Variants in SCAPER observed in about 807,000 individuals in gnomAD.
SCAPER encodes S phase cyclin A-associated protein in the endoplasmic reticulum.
Under a neutral mutation model 182.2 loss-of-function variants are expected in SCAPER, and 98 were observed. The ratio of observed to expected loss-of-function variants is 0.54; its 90% confidence interval spans 0.46 to 0.64. The LOEUF is 0.64. SCAPER is among the 30% of genes least tolerant of loss of function. SCAPER has a pLI of 0.00. For synonymous variants in SCAPER, 605 were observed against 564.6 expected (o/e 1.07, Z -1.01); for missense variants, 1,432 against 1,690.0 (o/e 0.85, Z 2.68).
intron 5 of SCAPER, among the ~76,000 whole-genome samples, chr15:76,836,952 A>G (rs932362169): frequency 6.6e-6 from 1 of 152,170 alleles, no homozygotes; most frequent in African/African-American, 2.4e-5. Flanking sequence ...CCTAGAAGAT[A>G]CCATTCTGGA....
intron 24 of SCAPER, among the ~76,000 whole-genome samples, chr15:76,501,075 A>G (rs2041070913): frequency 6.6e-6 from 1 of 152,078 alleles, no homozygotes; most frequent in Non-Finnish European, 1.5e-5. Flanking sequence ...GCAGAATAAC[A>G]TTAGTCTACC....
At chr15:76,716,951 T>C (rs2059917157) in intron 17 of SCAPER, among the ~76,000 whole-genome samples, 3 of 152,114 alleles carry the variant, frequency 2.0e-5, no homozygotes, top group East Asian at 1.9e-4. Context: ...AGATAAACTT[T>C]AGAAGGTTCT....
intron 26 of SCAPER, among the ~76,000 whole-genome samples, chr15:76,426,433 G>C (rs2046435596): frequency 6.6e-6 from 1 of 152,162 alleles, no homozygotes; most frequent in South Asian, 2.1e-4. Flanking sequence ...ATCTCCTGGT[G>C]TGCCATTTGC....
intron 5 of SCAPER, among the ~76,000 whole-genome samples, chr15:76,829,959 C>A (rs745678778): frequency 2.0e-5 from 3 of 152,070 alleles, no homozygotes; most frequent in African/African-American, 4.8e-5. Flanking sequence ...ATATATATTT[C>A]CAAAGAGAAG....
At chr15:76,861,432 C>T (rs1469032536) in intron 3 of SCAPER, among the ~76,000 whole-genome samples, 1 of 152,168 alleles carries the variant, frequency 6.6e-6, no homozygotes, top group Non-Finnish European at 1.5e-5. Flanking sequence ...CTACCTGAAT[C>T]TAGTCATGAA....
intron 17 of SCAPER, among the ~76,000 whole-genome samples, chr15:76,718,832 G>A (rs1405256146): frequency 1.3e-5 from 2 of 151,962 alleles, no homozygotes; most frequent in Non-Finnish European, 2.9e-5. Flanking sequence ...TCAGAGAAAT[G>A]AACATTAAAA....
intron 23 of SCAPER, among the ~76,000 whole-genome samples, chr15:76,556,526 C>T (rs1412996460): frequency 6.6e-6 from 1 of 152,148 alleles, no homozygotes; most frequent in Non-Finnish European, 1.5e-5. Context: ...TAAATGCAAT[C>T]TGAAATGGCA....
intron 20 of SCAPER, among the ~76,000 whole-genome samples, chr15:76,683,351 TAAAGAAA>T (rs1165005578): frequency 6.6e-6 from 1 of 150,860 alleles, no homozygotes; most frequent in African/African-American, 2.4e-5. Flanking sequence ...TCAAACAAAA[TAAAGAAA>T]AAAGAATAAA....
At chr15:76,770,787 C>T (rs2063421725) in intron 10 of SCAPER, among the ~76,000 whole-genome samples, 1 of 152,100 alleles carries the variant, frequency 6.6e-6, no homozygotes, top group South Asian at 2.1e-4. Context: ...ATACAATAAA[C>T]TCACTACTTA....
chr15:76,438,279 C>A (rs375695952), intron 25 of SCAPER, among the ~76,000 whole-genome samples: 721 of 110,552 alleles, frequency 6.5e-3, no homozygotes, highest in Middle Eastern at 0.014. Context: ...GAGACTGTCT[C>A]AAAAAAAAAA....
At position 76,655,521 on chromosome 15, in the gene SCAPER, C is replaced by T. The variant is rs556807267; in HGVS notation, c.2645+10132G>A. 1.2e-4 allele frequency among the ~76,000 whole-genome samples: 19 copies of T among 152,202 alleles called. No individual in the cohort carries two copies. In the East Asian group the frequency reaches 2.1e-3, roughly 17 times the overall value. On this transcript the variant is annotated intron_variant, in intron 21 of 31. Transcript: ENST00000563290. Reference sequence around the variant, plus strand: ...CCCAAACTCTAGAGAGGATAACATTCGAATTCAAGAAACTCAGAGAACCCC... The same window carrying T: ...CCCAAACTCTAGAGAGGATAACATTTGAATTCAAGAAACTCAGAGAACCCC...
intron 27 of SCAPER, among the ~76,000 whole-genome samples, chr15:76,382,970 A>G (rs1728123702): frequency 7.7e-6 from 1 of 130,594 alleles, no homozygotes; most frequent in African/African-American, 2.9e-5. Context: ...TTAATTTGGC[A>G]TGATCTACAC....
chr15:76,618,559 A>G (rs2051712879), intron 22 of SCAPER, among the ~76,000 whole-genome samples: 1 of 152,144 alleles, frequency 6.6e-6, no homozygotes. Flanking sequence ...TTCCATTTAT[A>G]AAAGTCTTTT....
intron 27 of SCAPER, among the ~76,000 whole-genome samples, chr15:76,383,124 A>G (rs540596659): frequency 1.4e-5 from 2 of 141,998 alleles, no homozygotes; most frequent in East Asian, 4.1e-4. Context: ...ACACACCTAC[A>G]CACACATATA....
chr15:76,829,183 C>T (rs964180344), intron 5 of SCAPER, among the ~76,000 whole-genome samples: 3 of 152,076 alleles, frequency 2.0e-5, no homozygotes, highest in African/African-American at 7.2e-5. Context: ...GGCCATTATT[C>T]TAAGTGAAGT....
At chr15:76,892,006 G>C (rs1365307159) in intron 1 of SCAPER, among the ~76,000 whole-genome samples, 2 of 152,068 alleles carry the variant, frequency 1.3e-5, no homozygotes, top group African/African-American at 4.8e-5. Flanking sequence ...CAGAACAGAG[G>C]CCTCAGAAAT....
chr15:76,360,816 T>C (rs977750500), intron 29 of SCAPER, among the ~76,000 whole-genome samples: 9 of 152,208 alleles, frequency 5.9e-5, no homozygotes, highest in Non-Finnish European at 1.5e-5. Flanking sequence ...GGGTTGGTGA[T>C]GGGACTAGAT....
At chr15:76,411,431 C>T (rs1421854654) in intron 26 of SCAPER, among the ~76,000 whole-genome samples, 1 of 152,064 alleles carries the variant, frequency 6.6e-6, no homozygotes, top group Non-Finnish European at 1.5e-5. Context: ...AAATCCCTTC[C>T]CCGCCCAAAT....
intron 14 of SCAPER, among the ~76,000 whole-genome samples, chr15:76,764,144 G>A (rs1375073380): frequency 6.6e-6 from 1 of 152,164 alleles, no homozygotes; most frequent in Non-Finnish European, 1.5e-5. Context: ...ATGACTTGTG[G>A]GGAATGCAGG....
Sources: gnomAD v4.1 joint callset for allele counts (sites outside exome capture counted in the v4.1 genomes callset) on GRCh38, gnomAD v4.1.1 for gene constraint, MANE v1.5 for transcripts, NCBI Gene and HGNC (gene_info 2026-07-23, HGNC 2026-07-21) for gene names.